Variants in BCL2L11 observed in about 807,000 individuals in gnomAD.
The protein encoded by BCL2L11 is bcl-2-like protein 11.
In BCL2L11, 15 loss-of-function variants were observed where a neutral mutation model predicts 20.6. That is an observed-to-expected ratio of 0.73 (90% CI 0.49 to 1.12). The LOEUF (loss-of-function observed/expected upper bound fraction) is 1.12. Ranked by LOEUF, BCL2L11 falls within the 50% of genes most tolerant of loss-of-function variation. The pLI is 0.00. For synonymous variants in BCL2L11, 108 were observed against 92.8 expected (o/e 1.16, Z -0.94); for missense variants, 292 against 260.9 (o/e 1.12, Z -0.82).
chr2:111,130,073 A>T (rs1434612131), intron 2 of BCL2L11: 2 of 380,878 alleles, frequency 5.3e-6, no homozygotes, highest in Non-Finnish European at 1.0e-5. Flanking sequence ...GAACTCAGGG[A>T]GGATTAAAAG....
intron 2 of BCL2L11, among the ~76,000 whole-genome samples, chr2:111,148,954 G>C (rs72836356): frequency 8.0e-4 from 122 of 152,274 alleles, no homozygotes; most frequent in African/African-American, 2.7e-3. Flanking sequence ...ATGTTCCTTC[G>C]TATGGCAAAA....
chr2:111,130,972 T>C (rs1291254949), intron 2 of BCL2L11, among the ~76,000 whole-genome samples: 1 of 152,192 alleles, frequency 6.6e-6, no homozygotes, highest in African/African-American at 2.4e-5. Flanking sequence ...GGGTAGGGTC[T>C]GTAATTCTTT....
chr2:111,146,124 G>A (rs2076478277), intron 2 of BCL2L11: 1 of 985,062 alleles, frequency 1.0e-6, no homozygotes, highest in Non-Finnish European at 1.2e-6. Flanking sequence ...GGAGTGAAGT[G>A]CTTTCATAAA....
intron 3 of BCL2L11, among the ~76,000 whole-genome samples, chr2:111,158,705 C>G (rs2078189658): frequency 1.3e-5 from 2 of 152,060 alleles, no homozygotes; most frequent in South Asian, 2.1e-4. Context: ...TTGAATGCCT[C>G]TTAGAATTAG....
intron 1 of BCL2L11, chr2:111,122,511 C>T (rs1208788645): frequency 1.4e-6 from 1 of 712,090 alleles, no homozygotes; most frequent in Non-Finnish European, 1.7e-6. Context: ...GCCCCCACCG[C>T]GGCTGCCGAT....
At chr2:111,123,202 A>C in intron 1 of BCL2L11, 1 of 985,238 alleles carries the variant, frequency 1.0e-6, no homozygotes, top group Non-Finnish European at 1.2e-6. Context: ...CTGGAGTTAC[A>C]AACTCTATTG....
At chr2:111,128,603 CT>C (rs58812324) in intron 2 of BCL2L11, 268,231 of 1,285,892 alleles carry the variant, frequency 0.21, 1,588 homozygotes, top group African/African-American at 0.29. Flanking sequence ...CTTACCAACA[CT>C]TTTTTTTTTT....
intron 2 of BCL2L11, among the ~76,000 whole-genome samples, chr2:111,135,665 C>T (rs918088898): frequency 6.6e-6 from 1 of 152,176 alleles, no homozygotes; most frequent in Non-Finnish European, 1.5e-5. Context: ...GGCGAAGACT[C>T]AGTACCCACT....
At chr2:111,127,731 G>T (rs2072987608) in intron 2 of BCL2L11, among the ~76,000 whole-genome samples, 1 of 152,114 alleles carries the variant, frequency 6.6e-6, no homozygotes, top group African/African-American at 2.4e-5. Flanking sequence ...GACAGCTGAG[G>T]TCTAGCTCAG....
chr2:111,127,419 C>CTTTTTT (rs774187139), intron 2 of BCL2L11, among the ~76,000 whole-genome samples: 1 of 125,070 alleles, frequency 8.0e-6, no homozygotes, highest in Non-Finnish European at 1.7e-5. Context: ...TAATGGCTTT[C>CTTTTTT]TTTTTTTTTT....
intron 2 of BCL2L11, chr2:111,132,212 T>C (rs1340872171): frequency 2.0e-5 from 3 of 152,230 alleles, no homozygotes; most frequent in Non-Finnish European, 2.9e-5. Flanking sequence ...TCTCAGGCTT[T>C]GTTGAATCAT....
chr2:111,157,341 C>A (rs912861128), intron 3 of BCL2L11, among the ~76,000 whole-genome samples: 7 of 152,216 alleles, frequency 4.6e-5, no homozygotes, highest in Non-Finnish European at 5.9e-5. Context: ...ATAAGCTTCT[C>A]ATATCATCCT....
At chr2:111,129,142 G>A (rs2073344801) in intron 2 of BCL2L11, among the ~76,000 whole-genome samples, 1 of 152,224 alleles carries the variant, frequency 6.6e-6, no homozygotes, top group African/African-American at 2.4e-5. Context: ...GGCAAATACA[G>A]TTTTGTTTTA....
intron 2 of BCL2L11, among the ~76,000 whole-genome samples, chr2:111,133,465 C>T (rs1336413173): frequency 6.6e-6 from 1 of 152,166 alleles, no homozygotes; most frequent in Non-Finnish European, 1.5e-5. Context: ...TTTTAAATTT[C>T]CTTTGAGACC....
At chr2:111,132,534 G>A (rs2074135558) in intron 2 of BCL2L11, among the ~76,000 whole-genome samples, 1 of 152,150 alleles carries the variant, frequency 6.6e-6, no homozygotes, top group Non-Finnish European at 1.5e-5. Context: ...ATACATTTTA[G>A]TCTCATTATA....
rs772596670 is a variant in BCL2L11, at chr2:111,165,079, A to G, written c.*848A>G. ...GAGTTAATATCTGCCTGTATCTTGC[A>G]CAGTTCGAGCGATCTGTTATTAACT... On this transcript the variant is annotated 3_prime_UTR_variant, in exon 4 of 4. Transcript: ENST00000393256. 6.6e-6 allele frequency: 1 copy of G among 152,250 alleles called. No homozygotes were observed. The highest frequency in any genetic ancestry group is 1.5e-5 in the Non-Finnish European group (1 of 68,044). 9.4% of individuals were successfully genotyped at this position (152,250 alleles called of 1,614,324 possible).
At chr2:111,139,713 A>T (rs895558868) in intron 2 of BCL2L11, among the ~76,000 whole-genome samples, 33 of 152,244 alleles carry the variant, frequency 2.2e-4, no homozygotes, top group African/African-American at 7.7e-4. Flanking sequence ...TACCCGGTTT[A>T]ACCCGTTTGT....
chr2:111,124,394 A>T (rs984067386), intron 2 of BCL2L11, among the ~76,000 whole-genome samples: 3 of 151,640 alleles, frequency 2.0e-5, no homozygotes, highest in Non-Finnish European at 4.4e-5. Flanking sequence ...GGGTTCAAGC[A>T]ATTCTCCTAC....
chr2:111,167,580 A>G lies in BCL2L11; in HGVS notation c.*3349A>G, dbSNP rs1204825178. On this transcript the variant is annotated 3_prime_UTR_variant, in exon 4 of 4. Coordinates refer to ENST00000393256, the MANE Select transcript of BCL2L11 (RefSeq NM_138621.5). ...AATGTGCCACTTCCAGAGGTGCTGCATTGCAGTTGTTCAGGGCTAGGGCCA... is the reference window on the plus strand; with the variant it reads ...AATGTGCCACTTCCAGAGGTGCTGCGTTGCAGTTGTTCAGGGCTAGGGCCA... 3.9e-5 allele frequency: 6 copies of G among 152,240 alleles called. No individual in the cohort carries two copies. The highest frequency in any genetic ancestry group is 7.3e-5 in the Non-Finnish European group (5 of 68,050). The allele number at this position is 152,240 out of a possible 1,614,324, so 9.4% of individuals were successfully genotyped here.
Sources: allele counts gnomAD v4.1 joint callset (sites outside exome capture counted in the v4.1 genomes callset), GRCh38; gene constraint gnomAD v4.1.1; transcripts MANE v1.5; gene names NCBI Gene and HGNC (gene_info 2026-07-23, HGNC 2026-07-21).